COL23A1: variants seen among roughly 807,000 people sequenced by gnomAD.
COL23A1 encodes collagen type XXIII alpha 1 chain.
A neutral mutation model predicts 99.3 loss-of-function variants in COL23A1; 97 were observed. That is an observed-to-expected ratio of 0.98 (90% CI 0.83 to 1.16). The LOEUF (loss-of-function observed/expected upper bound fraction) is 1.16. Ranked by LOEUF, COL23A1 falls within the 50% of genes most tolerant of loss-of-function variation. COL23A1 has a pLI of 0.00. For missense variants in COL23A1, 762 were observed against 757.4 expected (o/e 1.01, Z -0.07); for synonymous variants, 320 against 308.2 (o/e 1.04, Z -0.40).
intron 2 of COL23A1, among the ~76,000 whole-genome samples, chr5:178,392,626 T>A (rs545329824): frequency 6.6e-6 from 1 of 152,164 alleles, no homozygotes; most frequent in Non-Finnish European, 1.5e-5. Context: ...GATGGCAGGG[T>A]CCAGCGGACA....
At chr5:178,286,966 G>C (rs1200361597) in intron 5 of COL23A1, among the ~76,000 whole-genome samples, 1 of 152,236 alleles carries the variant, frequency 6.6e-6, no homozygotes, top group Non-Finnish European at 1.5e-5. Context: ...AGGGAACTGC[G>C]TCATGCCAGG....
chr5:178,306,052 G>A lies in COL23A1; in HGVS notation c.406+823C>T, dbSNP rs1394995470. The stretch of plus-strand genomic sequence containing the variant: ...AGAGGACATGGTCAGTGTCACAGCA[G>A]TGGGAGACTGTGGGAGAGAGGAGAG... On this transcript the variant is annotated intron_variant, in intron 3 of 28. Coordinates refer to ENST00000390654, the MANE Select transcript of COL23A1 (RefSeq NM_173465.4). This position sits in a 1 kb window ranked among gnomAD's most constrained non-coding sequence, Gnocchi z 4.1. Among the ~76,000 whole-genome samples, 5 of 151,926 alleles carry A rather than the reference G, an allele frequency of 3.3e-5. No homozygotes were observed. Among genetic ancestry groups the A allele is most frequent in the African/African-American group, 1.2e-4 (5 of 41,430 alleles).
chr5:178,260,669 C>T (rs944173215), intron 11 of COL23A1, among the ~76,000 whole-genome samples: 8 of 152,194 alleles, frequency 5.3e-5, no homozygotes, highest in Non-Finnish European at 1.0e-4. Flanking sequence ...TGGCGCACGC[C>T]TGTAATCCCA....
intron 3 of COL23A1, among the ~76,000 whole-genome samples, chr5:178,303,579 T>TA (rs1758185540): frequency 6.6e-6 from 1 of 152,202 alleles, no homozygotes; most frequent in Non-Finnish European, 1.5e-5. Flanking sequence ...TCAGGGCAGA[T>TA]AAAAGACTCT....
chr5:178,308,689 C>A lies in COL23A1; in HGVS notation c.362-1770G>T, dbSNP rs1448664814. Among the ~76,000 whole-genome samples the A allele has an allele frequency of 2.6e-5, 4 of 152,212 alleles. No homozygotes were observed. The highest frequency in any genetic ancestry group is 2.0e-4 in the Admixed American group (3 of 15,284). On this transcript the variant is annotated intron_variant, in intron 2 of 28. Transcript: ENST00000390654. This position sits in a 1 kb window ranked among gnomAD's most constrained non-coding sequence, Gnocchi z 5.1. ...ACCAGCATCTCAGACCAGTTGTGGCCCAAACACCTGCCTTGGTCTCCTCCC... is the reference window on the plus strand; with the variant it reads ...ACCAGCATCTCAGACCAGTTGTGGCACAAACACCTGCCTTGGTCTCCTCCC...
intron 2 of COL23A1, among the ~76,000 whole-genome samples, chr5:178,492,603 G>A (rs1369834347): frequency 2.6e-5 from 4 of 151,752 alleles, no homozygotes; most frequent in African/African-American, 2.4e-5. Context: ...GCGCTGCAGT[G>A]ATCCATGCCA....
chr5:178,346,191 T>C (rs1056360316), intron 2 of COL23A1, among the ~76,000 whole-genome samples: 1 of 152,084 alleles, frequency 6.6e-6, no homozygotes, highest in Admixed American at 6.6e-5. Flanking sequence ...TGGGTTTAAA[T>C]TGATCTTTTT....
intron 2 of COL23A1, among the ~76,000 whole-genome samples, chr5:178,520,303 CAGTCA>C (rs1301334065): frequency 3.9e-5 from 6 of 152,212 alleles, no homozygotes; most frequent in African/African-American, 1.4e-4. Context: ...TGGAGGTAGC[CAGTCA>C]TTGGTTCCCC....
At chr5:178,294,122 T>G (rs1415841910) in intron 3 of COL23A1, among the ~76,000 whole-genome samples, 2 of 152,026 alleles carry the variant, frequency 1.3e-5, no homozygotes, top group Admixed American at 6.5e-5. Flanking sequence ...AGGGTCATAG[T>G]TCTCAAAATG....
intron 3 of COL23A1, among the ~76,000 whole-genome samples, chr5:178,305,869 G>A (rs981465377): frequency 2.0e-5 from 3 of 152,050 alleles, no homozygotes; most frequent in Admixed American, 1.3e-4. Flanking sequence ...GGAAGGGATC[G>A]AGGATGCAGC....
At chr5:178,349,187 T>C (rs1464465124) in intron 2 of COL23A1, among the ~76,000 whole-genome samples, 1 of 152,196 alleles carries the variant, frequency 6.6e-6, no homozygotes, top group Non-Finnish European at 1.5e-5. Flanking sequence ...GAGGCTTCCA[T>C]GCTTGGATTT....
chr5:178,249,420 G>A (rs3812093), intron 18 of COL23A1, among the ~76,000 whole-genome samples: 38,354 of 152,152 alleles, frequency 0.25, 4,979 homozygotes, highest in African/African-American at 0.31. Flanking sequence ...TGTGGGCACC[G>A]CAGGGCAGGG....
intron 2 of COL23A1, among the ~76,000 whole-genome samples, chr5:178,360,625 T>C (rs915724103): frequency 1.3e-5 from 2 of 152,216 alleles, no homozygotes; most frequent in African/African-American, 4.8e-5. Context: ...TGTCCCCACC[T>C]TAAAAGTGAG....
chr5:178,368,640 G>C (rs1762626615), intron 2 of COL23A1, among the ~76,000 whole-genome samples: 1 of 152,192 alleles, frequency 6.6e-6, no homozygotes, highest in African/African-American at 2.4e-5. Context: ...GGGGAAGAGT[G>C]GGGCCAAGCC....
At chr5:178,558,392 T>C (rs906275136) in intron 2 of COL23A1, among the ~76,000 whole-genome samples, 1 of 152,134 alleles carries the variant, frequency 6.6e-6, no homozygotes, top group African/African-American at 2.4e-5. Flanking sequence ...TGCCAGCTTG[T>C]GTCCCCCTTC....
At chr5:178,564,265 T>C (rs1159187464) in intron 1 of COL23A1, among the ~76,000 whole-genome samples, 1 of 152,210 alleles carries the variant, frequency 6.6e-6, no homozygotes, top group Non-Finnish European at 1.5e-5. Flanking sequence ...TTCTCTCAAT[T>C]AGATGGTGAA....
intron 2 of COL23A1, among the ~76,000 whole-genome samples, chr5:178,543,063 T>C (rs967298892): frequency 2.0e-5 from 3 of 151,686 alleles, no homozygotes; most frequent in Non-Finnish European, 4.4e-5. Flanking sequence ...GAGCTGTGTG[T>C]GTTCGAGGGT....
chr5:178,429,201 C>T (rs577668323), intron 2 of COL23A1, among the ~76,000 whole-genome samples: 113 of 152,138 alleles, frequency 7.4e-4, no homozygotes, highest in East Asian at 7.4e-3. Flanking sequence ...GCATGCGCCT[C>T]GGGAAAGGCC....
intron 5 of COL23A1, among the ~76,000 whole-genome samples, chr5:178,271,268 C>T (rs1756271536): frequency 6.6e-6 from 1 of 152,272 alleles, no homozygotes; most frequent in African/African-American, 2.4e-5. Flanking sequence ...CTGTCAGCCC[C>T]CTCTTCCTCC....
Sources: gnomAD v4.1 joint callset for allele counts (sites outside exome capture counted in the v4.1 genomes callset) on GRCh38, gnomAD v4.1.1 for gene constraint, Gnocchi (gnomAD v3.1) non-coding constraint, MANE v1.5 for transcripts, NCBI Gene and HGNC (gene_info 2026-07-23, HGNC 2026-07-21) for gene names.